RFX4: variants seen among roughly 807,000 people sequenced by gnomAD.
The protein encoded by RFX4 is transcription factor RFX4.
A neutral mutation model predicts 95.0 loss-of-function variants in RFX4; 10 were observed. The ratio of observed to expected loss-of-function variants is 0.11; its 90% confidence interval spans 0.06 to 0.18. The LOEUF is 0.18. RFX4 is among the 10% of genes least tolerant of loss of function. The probability of loss-of-function intolerance (pLI) is 1.00; values close to 1 mark genes in which losing one functional copy is unlikely to be tolerated. For missense variants in RFX4, 640 were observed against 922.0 expected (o/e 0.69, Z 3.96); for synonymous variants, 321 against 340.7 (o/e 0.94, Z 0.64).
chr12:106,645,949 G>A, intron 3 of RFX4: 5 of 1,289,048 alleles, frequency 3.9e-6, no homozygotes, highest in Non-Finnish European at 5.1e-6. Flanking sequence ...CAGTTAAGCT[G>A]GACAACCCAA....
intron 3 of RFX4, among the ~76,000 whole-genome samples, chr12:106,642,618 T>TA (rs551349772): frequency 8.6e-5 from 13 of 151,926 alleles, no homozygotes; most frequent in Non-Finnish European, 1.9e-4. Flanking sequence ...TGTCTCTATT[T>TA]AAAAAAACAA....
intron 1 of RFX4, among the ~76,000 whole-genome samples, chr12:106,599,070 T>G (rs2039661131): frequency 6.6e-6 from 1 of 152,114 alleles, no homozygotes; most frequent in Non-Finnish European, 1.5e-5. Context: ...ACTGAACACC[T>G]TAGGTTGAAT....
At chr12:106,688,156 G>A (rs946222229) in intron 6 of RFX4, among the ~76,000 whole-genome samples, 19 of 137,164 alleles carry the variant, frequency 1.4e-4, no homozygotes, top group African/African-American at 4.1e-4. Context: ...TGCAACCTCC[G>A]CCTCCCAGGT....
Position 106,654,224 on chromosome 12 carries a change from C to T in RFX4, c.192-4C>T, listed in dbSNP as rs370686486. ...TTTTGCTCATTGGGCGTTTATTTCC[C>T]TAGGCTGGAGGAGAACTATGAGATT... is the stretch of plus-strand genomic sequence containing the variant. On this transcript the variant is annotated splice_region_variant and splice_polypyrimidine_tract_variant and intron_variant, in intron 3 of 17. Coordinates refer to ENST00000392842, the MANE Select transcript of RFX4 (RefSeq NM_213594.3). The T allele has an allele frequency of 3.1e-6, 5 of 1,613,778 alleles. No homozygotes were observed. Among genetic ancestry groups the T allele is most frequent in the Non-Finnish European group, 3.4e-6 (4 of 1,179,896 alleles).
rs2039655564 is a variant in RFX4 at position 106,598,711 on chromosome 12, C to A, written c.44-10086C>A. 2.0e-5 allele frequency among the ~76,000 whole-genome samples: 3 copies of A among 151,922 alleles called. No homozygotes were observed. In the South Asian group the frequency reaches 6.2e-4, roughly 32 times the overall value. On this transcript the variant is annotated intron_variant, in intron 1 of 17. Coordinates refer to ENST00000392842, the MANE Select transcript of RFX4 (RefSeq NM_213594.3). ...CTGAGCTTTTGGGGGAATTCACATC[C>A]CCAAACAGAGCAGGAGAGGTAAAAA...
rs550654880 is a variant in RFX4, at chr12:106,593,445, G to A, written c.43+10082G>A. Among the ~76,000 whole-genome samples the A allele has an allele frequency of 4.6e-5, 7 of 152,340 alleles. No homozygotes were observed. The South Asian group carries it at 1.0e-3, about 23-fold the overall frequency. ...AATCCATCATGTTGGAGAAAATACA[G>A]TATCAGTCAATGGAAGCAAACTAGT... On this transcript the variant is annotated intron_variant, in intron 1 of 17. Transcript: ENST00000392842.
At chr12:106,648,191 A>T (rs185024286) in intron 3 of RFX4, among the ~76,000 whole-genome samples, 1 of 152,338 alleles carries the variant, frequency 6.6e-6, no homozygotes, top group East Asian at 1.9e-4. Flanking sequence ...TGCACTGAAC[A>T]TAGTTCCATG....
chr12:106,663,832 T>C (rs1275917863), intron 4 of RFX4, among the ~76,000 whole-genome samples: 3 of 151,834 alleles, frequency 2.0e-5, no homozygotes, highest in Non-Finnish European at 4.4e-5. Context: ...TATGATCATA[T>C]AATTTTTTAG....
intron 2 of RFX4, among the ~76,000 whole-genome samples, chr12:106,638,930 A>G (rs79692061): frequency 0.027 from 4,143 of 152,280 alleles, 179 homozygotes; most frequent in African/African-American, 0.094. Context: ...AGGTTTCAAC[A>G]CACAAATTTT....
chr12:106,625,365 G>C (rs1486162820), intron 2 of RFX4, among the ~76,000 whole-genome samples: 1 of 152,214 alleles, frequency 6.6e-6, no homozygotes, highest in Non-Finnish European at 1.5e-5. Context: ...CCCTGGACCA[G>C]TGGGGTCAAG....
chr12:106,648,362 A>G (rs986819056), intron 3 of RFX4, among the ~76,000 whole-genome samples: 1 of 152,134 alleles, frequency 6.6e-6, no homozygotes. Context: ...TACGTGTGGG[A>G]AAGCAGGACG....
At chr12:106,605,529 A>G (rs2039812156) in intron 1 of RFX4, among the ~76,000 whole-genome samples, 1 of 152,096 alleles carries the variant, frequency 6.6e-6, no homozygotes, top group African/African-American at 2.4e-5. Context: ...ATGCATGAGA[A>G]CTCTAACTGT....
At chr12:106,600,753 C>G (rs186872166) in intron 1 of RFX4, among the ~76,000 whole-genome samples, 36 of 152,282 alleles carry the variant, frequency 2.4e-4, no homozygotes, top group East Asian at 1.9e-4. Flanking sequence ...CCTCCCGCTT[C>G]GTCATGCTGG....
intron 4 of RFX4, among the ~76,000 whole-genome samples, chr12:106,675,867 G>T (rs1413109924): frequency 1.3e-5 from 2 of 152,320 alleles, no homozygotes; most frequent in Middle Eastern, 3.4e-3. Flanking sequence ...TATGGCCGGA[G>T]CACAGGAATT....
chr12:106,761,581 T>A lies in RFX4; in HGVS notation c.*112T>A. The A allele has an allele frequency of 2.7e-6, 2 of 737,242 alleles. No homozygotes were observed. The highest frequency in any genetic ancestry group is 3.6e-6 in the Non-Finnish European group (2 of 555,018). 45.7% of individuals were successfully genotyped at this position (737,242 alleles called of 1,614,324 possible). ...TCTCTATACATTGTAACTCATGGGCTATTCCTAAGTGCCCATTTTCCTAAT... is the reference window on the plus strand; with the variant it reads ...TCTCTATACATTGTAACTCATGGGCAATTCCTAAGTGCCCATTTTCCTAAT... On this transcript the variant is annotated 3_prime_UTR_variant, in exon 18 of 18. Coordinates refer to ENST00000392842, the MANE Select transcript of RFX4 (RefSeq NM_213594.3).
At chr12:106,646,061 T>C (rs953720297) in intron 3 of RFX4, 9 of 729,790 alleles carry the variant, frequency 1.2e-5, no homozygotes, top group African/African-American at 1.8e-5. Context: ...TGTCAAATGG[T>C]AAAGCCATTT....
At chr12:106,585,496 C>G (rs1025209891) in intron 1 of RFX4, among the ~76,000 whole-genome samples, 3 of 152,188 alleles carry the variant, frequency 2.0e-5, no homozygotes, top group Non-Finnish European at 2.9e-5. Context: ...TGACATTTCA[C>G]TCCGACTTGC....
chr12:106,605,776 C>T (rs1244152676), intron 1 of RFX4, among the ~76,000 whole-genome samples: 1 of 152,230 alleles, frequency 6.6e-6, no homozygotes, highest in African/African-American at 2.4e-5. Flanking sequence ...GTTGTCTTCT[C>T]ATATCTGCAA....
Position 106,761,221 on chromosome 12 carries a change from C to T in RFX4, c.1960C>T (p.Arg654Trp), listed in dbSNP as rs1656349892. Reference sequence around the variant, plus strand: ...GTACCCTTTTAATAGCCCCACTTCCCGGATGGAACCTTGTTTGATGAGCAG... The same window carrying T: ...GTACCCTTTTAATAGCCCCACTTCCTGGATGGAACCTTGTTTGATGAGCAG... Reference protein sequence around the residue: ...AQYPFNSPTSRMEPCLMSSTP... With the variant: ...AQYPFNSPTSWMEPCLMSSTP... Residue 654 changes from arginine to tryptophan, a missense_variant, in exon 18 of 18, where the codon CGG becomes TGG. By Grantham distance (101) the Arg-to-Trp change is moderately radical. This residue lies in a region of RFX4 where 300 missense variants were observed against 346.8 expected (regional missense o/e 0.87). Coordinates refer to ENST00000392842, the MANE Select transcript of RFX4 (RefSeq NM_213594.3). 2 of 1,613,372 alleles carry T rather than the reference C, an allele frequency of 1.2e-6. No homozygotes were observed. The highest frequency in any genetic ancestry group is 1.7e-6 in the Non-Finnish European group (2 of 1,179,434).
Sources: allele counts gnomAD v4.1 joint callset (sites outside exome capture counted in the v4.1 genomes callset), GRCh38; gene constraint gnomAD v4.1.1; regional missense constraint gnomAD v4.1.1; transcripts MANE v1.5; gene names NCBI Gene and HGNC (gene_info 2026-07-23, HGNC 2026-07-21).